The following SLC24A3 variants were observed in gnomAD, a reference collection of about 807,000 sequenced individuals.
The protein encoded by SLC24A3 is sodium/potassium/calcium exchanger 3.
SLC24A3 carries 28 observed loss-of-function variants against 75.8 expected under a neutral mutation model. The ratio of observed to expected loss-of-function variants is 0.37; its 90% CI spans 0.27 to 0.51. The LOEUF is 0.51. Ranked by LOEUF, SLC24A3 falls within the 20% of genes least tolerant of loss-of-function variation. The probability of loss-of-function intolerance (pLI) is 0.94; values close to 1 mark genes in which losing one functional copy is unlikely to be tolerated. For missense variants in SLC24A3, 663 were observed against 847.8 expected (o/e 0.78, Z 2.71); for synonymous variants, 372 against 334.1 (o/e 1.11, Z -1.24).
chr20:19,566,329 G>A (rs1294813511), intron 3 of SLC24A3, among the ~76,000 whole-genome samples: 1 of 152,240 alleles, frequency 6.6e-6, no homozygotes, highest in Non-Finnish European at 1.5e-5. Context: ...ACAACTGGCT[G>A]AGTCAAAGAT....
At chr20:19,624,350 G>A (rs966667732) in intron 6 of SLC24A3, among the ~76,000 whole-genome samples, 1 of 152,238 alleles carries the variant, frequency 6.6e-6, no homozygotes, top group Admixed American at 6.5e-5. Context: ...CACTTATCTG[G>A]GAAGGAAATG....
chr20:19,253,319 A>G (rs1377189368), intron 1 of SLC24A3, among the ~76,000 whole-genome samples: 1 of 152,228 alleles, frequency 6.6e-6, no homozygotes, highest in African/African-American at 2.4e-5. Flanking sequence ...TTTCGCTTCA[A>G]GAGAGGCATG....
At chr20:19,284,039 G>A (rs1983739717) in intron 2 of SLC24A3, 1 of 152,716 alleles carries the variant, frequency 6.5e-6, no homozygotes, top group African/African-American at 2.4e-5. Flanking sequence ...AAGACCTCAG[G>A]CTTGGCAATG....
chr20:19,678,506 C>T (rs1373834585), intron 9 of SLC24A3, among the ~76,000 whole-genome samples: 4 of 129,190 alleles, frequency 3.1e-5, no homozygotes, highest in Admixed American at 7.8e-5. Flanking sequence ...GCTGGCCGGG[C>T]GGGGGGCTGA....
chr20:19,464,845 T>C (rs1311162513), intron 2 of SLC24A3, among the ~76,000 whole-genome samples: 1 of 152,226 alleles, frequency 6.6e-6, no homozygotes, highest in Non-Finnish European at 1.5e-5. Flanking sequence ...GGGTATACTT[T>C]GGCATTTGAT....
intron 6 of SLC24A3, among the ~76,000 whole-genome samples, chr20:19,621,364 T>G (rs573428333): frequency 6.6e-6 from 1 of 152,134 alleles, no homozygotes; most frequent in Non-Finnish European, 1.5e-5. Flanking sequence ...CCTTAGCCCT[T>G]AGACCTAACT....
At chr20:19,230,800 A>C (rs1982000178) in intron 1 of SLC24A3, among the ~76,000 whole-genome samples, 1 of 152,046 alleles carries the variant, frequency 6.6e-6, no homozygotes, top group Non-Finnish European at 1.5e-5. Flanking sequence ...GCATTCATCC[A>C]CACTCAGCTT....
chr20:19,698,412 C>T lies in SLC24A3; in HGVS notation c.1607-156C>T, dbSNP rs149331345. Among the ~76,000 whole-genome samples, 10 of 152,346 alleles carry T rather than the reference C, an allele frequency of 6.6e-5. No individual in the cohort carries two copies. The East Asian group carries it at 1.7e-3, about 26-fold the overall frequency. On this transcript the variant is annotated intron_variant, in intron 14 of 16. Coordinates refer to ENST00000328041, the MANE Select transcript of SLC24A3 (RefSeq NM_020689.4). ...ACGTGTGTTTCTCTGTTTTATAATT[C>T]ATGTCATCCTTTCACATGGGTGATG...
intron 2 of SLC24A3, among the ~76,000 whole-genome samples, chr20:19,378,476 T>C (rs1326161593): frequency 2.0e-5 from 3 of 152,192 alleles, no homozygotes; most frequent in African/African-American, 7.2e-5. Flanking sequence ...TCTGGTTGAA[T>C]TGGGTCCACA....
intron 1 of SLC24A3, among the ~76,000 whole-genome samples, chr20:19,275,236 A>G (rs1983448092): frequency 6.6e-6 from 1 of 152,142 alleles, no homozygotes. Context: ...AGAAACACAT[A>G]CCTGAGCTTT....
intron 2 of SLC24A3, among the ~76,000 whole-genome samples, chr20:19,367,035 C>G (rs1412549215): frequency 3.3e-5 from 5 of 152,242 alleles, no homozygotes; most frequent in African/African-American, 9.6e-5. Context: ...TATTCTCTGT[C>G]CTATTGGTAC....
intron 2 of SLC24A3, among the ~76,000 whole-genome samples, chr20:19,358,481 A>T (rs1461395014): frequency 6.6e-6 from 1 of 152,178 alleles, no homozygotes; most frequent in Non-Finnish European, 1.5e-5. Context: ...ACTGCCCTGC[A>T]TCTTTCTTGA....
chr20:19,332,285 A>G (rs1161782482), intron 2 of SLC24A3, among the ~76,000 whole-genome samples: 1 of 152,004 alleles, frequency 6.6e-6, no homozygotes, highest in Non-Finnish European at 1.5e-5. Context: ...CCAGTGGGCC[A>G]CCGCTGTGGC....
At chr20:19,584,842 C>T in intron 4 of SLC24A3, 129 bp from the exon 5 acceptor site, 1 of 714,768 alleles carries the variant, frequency 1.4e-6, no homozygotes, top group Non-Finnish European at 2.3e-6. Flanking sequence ...AGCCCCAGGT[C>T]CCATCGGTCC....
At chr20:19,519,634 A>G (rs1420375972) in intron 3 of SLC24A3, among the ~76,000 whole-genome samples, 1 of 152,200 alleles carries the variant, frequency 6.6e-6, no homozygotes, top group Non-Finnish European at 1.5e-5. Context: ...TTTATATCTA[A>G]TCTATTATAA....
chr20:19,352,867 A>G (rs942366365), intron 2 of SLC24A3, among the ~76,000 whole-genome samples: 7 of 152,254 alleles, frequency 4.6e-5, no homozygotes, highest in Admixed American at 4.6e-4. Flanking sequence ...ATGATGGACC[A>G]CTTATGCAAT....
chr20:19,661,908 G>A (rs2032331104), intron 7 of SLC24A3, among the ~76,000 whole-genome samples: 1 of 152,136 alleles, frequency 6.6e-6, no homozygotes, highest in African/African-American at 2.4e-5. Context: ...TCGCCGGCCT[G>A]ATGTAAGCCC....
At chr20:19,616,249 G>A (rs748656937) in intron 6 of SLC24A3, among the ~76,000 whole-genome samples, 5 of 152,238 alleles carry the variant, frequency 3.3e-5, no homozygotes, top group Non-Finnish European at 5.9e-5. Flanking sequence ...TGATGTGGGC[G>A]AGGTAGCTCT....
At chr20:19,292,767 CTGAA>C (rs1450656539) in intron 2 of SLC24A3, among the ~76,000 whole-genome samples, 9 of 152,224 alleles carry the variant, frequency 5.9e-5, no homozygotes, top group African/African-American at 2.2e-4. Context: ...ATGCCATAGA[CTGAA>C]TGTCGTCTAA....
Sources: gnomAD v4.1 joint callset for allele counts (sites outside exome capture counted in the v4.1 genomes callset) on GRCh38, gnomAD v4.1.1 for gene constraint, MANE v1.5 for transcripts, NCBI Gene and HGNC (gene_info 2026-07-23, HGNC 2026-07-21) for gene names.